Variants in MELK observed in about 807,000 individuals in gnomAD.
MELK encodes pEg3 kinase.
A neutral mutation model predicts 85.0 loss-of-function variants in MELK; 81 were observed. That is an observed-to-expected ratio of 0.95 (90% CI 0.80 to 1.15). The LOEUF is 1.15. MELK is among the 50% of genes most tolerant of loss of function. The probability of loss-of-function intolerance (pLI) is 0.00; values close to 1 mark genes in which losing one functional copy is unlikely to be tolerated. For synonymous variants in MELK, 252 were observed against 265.0 expected, an observed-to-expected ratio of 0.95 and a Z score of 0.48; for missense variants, 754 against 777.5, an observed-to-expected ratio of 0.97 and a Z score of 0.36.
chr9:36,574,793 A>T (rs1329182845), intron 1 of MELK, among the ~76,000 whole-genome samples: 1 of 152,136 alleles, frequency 6.6e-6, no homozygotes, highest in Non-Finnish European at 1.5e-5. Context: ...AAATTTAACC[A>T]TAAACGTCTT....
Position 36,597,300 on chromosome 9 carries a change from G to A in MELK, c.474+10G>A. On this transcript the variant is annotated intron_variant, in intron 6 of 17. Coordinates refer to ENST00000298048, the MANE Select transcript of MELK (RefSeq NM_014791.4). ...CTGTGCAAAACCCAAGGTAAGTGCA[G>A]AAATAAGATGCATCTATGTTCTTTG... is the stretch of plus-strand genomic sequence containing the variant. 1 of 1,602,844 alleles carries A rather than the reference G, an allele frequency of 6.2e-7. No homozygotes were observed. Among genetic ancestry groups the A allele is most frequent in the Non-Finnish European group, 8.5e-7 (1 of 1,170,186 alleles).
chr9:36,659,116 T>C (rs1271775418), intron 13 of MELK, among the ~76,000 whole-genome samples: 1 of 151,928 alleles, frequency 6.6e-6, no homozygotes, highest in African/African-American at 2.4e-5. Flanking sequence ...CTCCTGACCT[T>C]GTGATCCGCC....
At position 36,663,704 on chromosome 9, in the gene MELK, A is replaced by G. The variant is rs1365373047; in HGVS notation, c.1177-1646A>G. Among the ~76,000 whole-genome samples the G allele has an allele frequency of 2.6e-5, 4 of 152,060 alleles. No homozygotes were observed. The South Asian group carries it at 8.3e-4, about 32-fold the overall frequency. On this transcript the variant is annotated intron_variant, in intron 13 of 17. Coordinates refer to ENST00000298048, the MANE Select transcript of MELK (RefSeq NM_014791.4). ...CATCCACCTTGTTGCAAAAGATAGG[A>G]TTTCATTCTTTTTTATGGTTGAATA...
chr9:36,602,751 A>G (rs1825066244), intron 7 of MELK, among the ~76,000 whole-genome samples: 1 of 151,680 alleles, frequency 6.6e-6, no homozygotes, highest in South Asian at 2.1e-4. Flanking sequence ...TAGAGACAGG[A>G]TTTCTCCATG....
Position 36,657,232 on chromosome 9 carries a change from A to C in MELK, c.1054-9A>C. 1.2e-6 allele frequency: 2 copies of C among 1,607,324 alleles called. No individual in the cohort carries two copies. The highest frequency in any genetic ancestry group is 1.7e-6 in the Non-Finnish European group (2 of 1,178,132). The stretch of plus-strand genomic sequence containing the variant: ...TCATCTTTAAGTTCTTCTGTCTTTC[A>C]TTGAGTAGTCAAATAATTGGAGTCT... On this transcript the variant is annotated splice_polypyrimidine_tract_variant and intron_variant, in intron 12 of 17. Transcript: ENST00000298048.
chr9:36,668,482 G>A (rs939041465), intron 14 of MELK, among the ~76,000 whole-genome samples: 1 of 152,010 alleles, frequency 6.6e-6, no homozygotes, highest in African/African-American at 2.4e-5. Context: ...CAAAATTCTG[G>A]AACAGGGAAT....
rs531438953 is a variant in MELK at position 36,657,038 on chromosome 9, G to A, written c.1054-203G>A. Among the ~76,000 whole-genome samples, 10 of 152,356 alleles carry A rather than the reference G, an allele frequency of 6.6e-5. No homozygotes were observed. In the East Asian group the frequency reaches 1.7e-3, roughly 26 times the overall value. ...TAGTGTAGGAGCAACAGGCTATAACGTACAGCCTAGGTGTGGCCTAGGTGT... is the reference window on the plus strand; with the variant it reads ...TAGTGTAGGAGCAACAGGCTATAACATACAGCCTAGGTGTGGCCTAGGTGT... On this transcript the variant is annotated intron_variant, in intron 12 of 17. Coordinates refer to ENST00000298048, the MANE Select transcript of MELK (RefSeq NM_014791.4).
intron 7 of MELK, among the ~76,000 whole-genome samples, chr9:36,600,350 A>T (rs950508817): frequency 3.3e-5 from 5 of 150,368 alleles, no homozygotes; most frequent in African/African-American, 1.2e-4. Context: ...TCAGCCTCCC[A>T]ATTATAGGCA....
intron 8 of MELK, among the ~76,000 whole-genome samples, chr9:36,613,551 G>A (rs556227205): frequency 6.6e-6 from 1 of 152,308 alleles, no homozygotes; most frequent in South Asian, 2.1e-4. Flanking sequence ...AAATTGAGTA[G>A]GATGAAGAGG....
At chr9:36,603,499 A>G (rs141410837) in intron 7 of MELK, among the ~76,000 whole-genome samples, 50 of 151,354 alleles carry the variant, frequency 3.3e-4, no homozygotes, top group South Asian at 6.3e-4. Flanking sequence ...TGGCATGACT[A>G]TGGCTCACGG....
chr9:36,612,086 T>C (rs1408788325), intron 8 of MELK, among the ~76,000 whole-genome samples: 1 of 151,728 alleles, frequency 6.6e-6, no homozygotes, highest in Non-Finnish European at 1.5e-5. Flanking sequence ...TATTGTTTTA[T>C]TTTTGTTTGT....
intron 3 of MELK, among the ~76,000 whole-genome samples, chr9:36,587,301 A>G (rs1304771591): frequency 6.6e-6 from 1 of 151,242 alleles, no homozygotes; most frequent in Non-Finnish European, 1.5e-5. Context: ...ACTGGCCATT[A>G]AGACGGAGTC....
intron 6 of MELK, among the ~76,000 whole-genome samples, chr9:36,598,784 C>A (rs1824580670): frequency 6.6e-6 from 1 of 151,926 alleles, no homozygotes; most frequent in Admixed American, 6.6e-5. Context: ...ATATGCTGGG[C>A]TTATTTATGT....
chr9:36,584,542 C>T (rs1192829158), intron 3 of MELK, among the ~76,000 whole-genome samples: 1 of 145,472 alleles, frequency 6.9e-6, no homozygotes, highest in Non-Finnish European at 1.5e-5. Flanking sequence ...ACTATGTTAG[C>T]CAGGATGGTC....
intron 9 of MELK, among the ~76,000 whole-genome samples, chr9:36,632,316 A>G (rs1375643965): frequency 6.6e-6 from 1 of 152,192 alleles, no homozygotes; most frequent in Non-Finnish European, 1.5e-5. Flanking sequence ...CAATTAATCA[A>G]TGTATCACCT....
At chr9:36,579,405 G>A (rs938985846) in intron 1 of MELK, among the ~76,000 whole-genome samples, 1 of 152,146 alleles carries the variant, frequency 6.6e-6, no homozygotes, top group African/African-American at 2.4e-5. Context: ...CTCGTGATCC[G>A]CCCACCCTGG....
intron 11 of MELK, among the ~76,000 whole-genome samples, chr9:36,645,577 C>G (rs563038989): frequency 2.0e-5 from 3 of 152,150 alleles, no homozygotes; most frequent in African/African-American, 7.2e-5. Flanking sequence ...GTTCATACTT[C>G]GTTGAGTCCC....
rs1832858620 is a variant in MELK, at chr9:36,671,186, T to C, written c.1674+20T>C. 3 of 1,545,934 alleles carry C rather than the reference T, an allele frequency of 1.9e-6. No homozygotes were observed. The Admixed American group carries it at 6.1e-5, about 31-fold the overall frequency. Reference sequence around the variant, plus strand: ...CTAAAGGTAAGCAGGCTGGAATTCTTTCATATGGAGCAGAAGCTGACTGCT... The same window carrying C: ...CTAAAGGTAAGCAGGCTGGAATTCTCTCATATGGAGCAGAAGCTGACTGCT... On this transcript the variant is annotated intron_variant, in intron 16 of 17. Transcript: ENST00000298048.
At chr9:36,649,824 C>T (rs529113748) in intron 11 of MELK, among the ~76,000 whole-genome samples, 3 of 152,070 alleles carry the variant, frequency 2.0e-5, no homozygotes, top group African/African-American at 4.8e-5. Context: ...CTATGGCTCA[C>T]GCCTGTAATT....
Sources: allele counts gnomAD v4.1 joint callset (sites outside exome capture counted in the v4.1 genomes callset), GRCh38; gene constraint gnomAD v4.1.1; transcripts MANE v1.5; gene names NCBI Gene and HGNC (gene_info 2026-07-23, HGNC 2026-07-21).